SIRT3: variants seen among roughly 807,000 people sequenced by gnomAD.
The protein encoded by SIRT3 is NAD-dependent protein deacetylase sirtuin-3, mitochondrial.
A neutral mutation model predicts 33.5 loss-of-function variants in SIRT3; 26 were observed. The observed-to-expected ratio is 0.78, with a 90% CI of 0.57 to 1.08. The LOEUF is 1.08. Among genes scored for constraint, SIRT3 ranks in the 50% least tolerant of loss-of-function variants. The probability of loss-of-function intolerance (pLI) is 0.00; values close to 1 mark genes in which losing one functional copy is unlikely to be tolerated. For synonymous variants in SIRT3, 237 were observed against 222.1 expected (o/e 1.07, Z -0.60); for missense variants, 585 against 530.1 (o/e 1.10, Z -1.02).
intron 5 of SIRT3, among the ~76,000 whole-genome samples, chr11:220,594 G>C (rs1193392693): frequency 6.6e-6 from 1 of 152,144 alleles, no homozygotes; most frequent in East Asian, 1.9e-4. Context: ...TAACCAATTT[G>C]ATTTGTGTGA....
chr11:233,573 C>T, intron 1 of SIRT3, 39 bp from the exon 2 acceptor site: 2 of 1,601,668 alleles, frequency 1.2e-6, no homozygotes, highest in East Asian at 2.2e-5. Flanking sequence ...AAACAGATAG[C>T]AACCAATCTC....
At chr11:219,867 T>C (rs1856187687) in intron 5 of SIRT3, among the ~76,000 whole-genome samples, 1 of 152,178 alleles carries the variant, frequency 6.6e-6, no homozygotes, top group Admixed American at 6.5e-5. Flanking sequence ...ATTATCTCGG[T>C]ATCTACATAA....
Position 230,448 on chromosome 11 carries a change from T to A in SIRT3, c.807+4A>T. 1 of 1,437,128 alleles carries A rather than the reference T, an allele frequency of 7.0e-7. No individual in the cohort carries two copies. Among genetic ancestry groups the A allele is most frequent in the Non-Finnish European group, 9.2e-7 (1 of 1,086,870 alleles). 89.0% of individuals were successfully genotyped at this position (1,437,128 alleles called of 1,614,324 possible). A position where few individuals can be genotyped will look rare whatever the true frequency, so the allele number is the denominator to read the frequency against. On this transcript the variant is annotated splice_donor_region_variant and intron_variant, in intron 4 of 6. Coordinates refer to ENST00000382743, the MANE Select transcript of SIRT3 (RefSeq NM_012239.6). ...GAAGGACAACCAACAGCAGGATAACTCACCCGAATGTCCTCCCCTGGGAAG... is the reference window on the plus strand; with the variant it reads ...GAAGGACAACCAACAGCAGGATAACACACCCGAATGTCCTCCCCTGGGAAG...
chr11:232,046 A>G (rs1046083828), intron 3 of SIRT3, among the ~76,000 whole-genome samples: 1 of 152,146 alleles, frequency 6.6e-6, no homozygotes, highest in African/African-American at 2.4e-5. Context: ...AAGTGTGACC[A>G]TATTAAGGAA....
rs200574796 is a variant in SIRT3, at chr11:218,912, C to T, written c.1099G>A (p.Val367Ile). The part of the protein sequence containing the change: ...SRDVAQLGDV[V>I]HGVESLVELL... ...TCCACTAGGCTTTCCACGCCGTGAA[C>T]CACGTCCCCCAGCTGGGCCACGTCC... is the stretch of plus-strand genomic sequence containing the variant. Residue 367 changes from valine to isoleucine, a missense_variant, in exon 6 of 7, where the codon GTT becomes ATT. Coordinates refer to ENST00000382743, the MANE Select transcript of SIRT3 (RefSeq NM_012239.6). 5.0e-6 allele frequency: 8 copies of T among 1,614,196 alleles called. No homozygotes were observed. The Admixed American group carries it at 8.3e-5, about 17-fold the overall frequency.
chr11:218,779 C>T (rs922657232), intron 6 of SIRT3, 53 bp downstream of exon 6: 1 of 1,613,368 alleles, frequency 6.2e-7, no homozygotes, highest in African/African-American at 1.3e-5. Flanking sequence ...GGACCATACC[C>T]TAGAGCAGTG....
intron 5 of SIRT3, chr11:222,940 T>G (rs1323824768): frequency 6.6e-6 from 1 of 152,210 alleles, no homozygotes; most frequent in African/African-American, 2.4e-5. Flanking sequence ...TTGTTATCTT[T>G]CTCATAACAT....
At chr11:227,555 G>A (rs543590931) in intron 4 of SIRT3, among the ~76,000 whole-genome samples, 96 of 152,302 alleles carry the variant, frequency 6.3e-4, no homozygotes, top group Non-Finnish European at 1.2e-3. Context: ...ACACAGTACT[G>A]AAGGAGAAGA....
chr11:232,915 C>T (rs1256739485), intron 3 of SIRT3, 68 bp downstream of exon 3: 32 of 1,497,482 alleles, frequency 2.1e-5, no homozygotes, highest in Non-Finnish European at 3.0e-5. Flanking sequence ...CCCGAGCCTC[C>T]CTGGGAGAAA....
intron 4 of SIRT3, among the ~76,000 whole-genome samples, chr11:225,289 G>A (rs1000811385): frequency 1.3e-5 from 2 of 152,252 alleles, no homozygotes; most frequent in South Asian, 4.1e-4. Context: ...ATGCGTGCCT[G>A]TAATCCCAGC....
chr11:232,884 A>T, intron 3 of SIRT3, 99 bp downstream of exon 3: 1 of 1,141,398 alleles, frequency 8.8e-7, no homozygotes. Flanking sequence ...GCACCCGAGC[A>T]TCCCCTGTGA....
At chr11:229,585 A>G (rs1289225079) in intron 4 of SIRT3, among the ~76,000 whole-genome samples, 1 of 151,952 alleles carries the variant, frequency 6.6e-6, no homozygotes, top group Non-Finnish European at 1.5e-5. Context: ...GTGAAACCCC[A>G]TCTCTACTAG....
upstream of SIRT3, chr11:236,371 C>CGGCGCCCCGCCCGG: frequency 2.8e-6 from 3 of 1,088,244 alleles, no homozygotes; most frequent in Non-Finnish European, 3.3e-6. Flanking sequence ...GCCCCGCCCC[C>CGGCGCCCCGCCCGG]GGCGCCCCGG....
rs1483482433 is a variant in SIRT3, at chr11:215,865, C to A, written c.*833G>T. 3 of 152,128 alleles carry A rather than the reference C, an allele frequency of 2.0e-5. No individual in the cohort carries two copies. The highest frequency in any genetic ancestry group is 7.3e-5 in the African/African-American group (3 of 41,352). The allele number at this position is 152,128 out of a possible 1,614,324, so 9.4% of individuals were successfully genotyped here. ...TCCCTGTCTCAGAGATTAGCTCTAA[C>A]AGTGTCACTAGAGGAAGCCCTGGCG... On this transcript the variant is annotated 3_prime_UTR_variant, in exon 7 of 7. Transcript: ENST00000382743.
chr11:233,737 T>G, intron 1 of SIRT3: 1 of 568,546 alleles, frequency 1.8e-6, no homozygotes, highest in East Asian at 2.9e-5. Context: ...AATCAAGACT[T>G]ACTTGGGAGC....
rs745416379 is a variant in SIRT3 at position 216,654 on chromosome 11, A to G, written c.*44T>C. On this transcript the variant is annotated 3_prime_UTR_variant, in exon 7 of 7. Coordinates refer to ENST00000382743, the MANE Select transcript of SIRT3 (RefSeq NM_012239.6). Reference sequence around the variant, plus strand: ...AGGTCTTGTCAGAATTGGGATGTGGATGTCTCCTATGTTACCATTTATTGT... The same window carrying G: ...AGGTCTTGTCAGAATTGGGATGTGGGTGTCTCCTATGTTACCATTTATTGT... 2 of 1,611,352 alleles carry G rather than the reference A, an allele frequency of 1.2e-6. No individual in the cohort carries two copies. The highest frequency in any genetic ancestry group is 1.1e-5 in the South Asian group (1 of 90,894).
intron 6 of SIRT3, among the ~76,000 whole-genome samples, chr11:218,328 G>A (rs369334031): frequency 3.3e-5 from 5 of 152,128 alleles, no homozygotes; most frequent in African/African-American, 4.8e-5. Context: ...GTTTATAGGC[G>A]GTTTGAAATC....
At chr11:217,168 G>C (rs1341869823) in intron 6 of SIRT3, among the ~76,000 whole-genome samples, 1 of 152,230 alleles carries the variant, frequency 6.6e-6, no homozygotes, top group African/African-American at 2.4e-5. Context: ...CAGGAAGTTG[G>C]GCCGGGCCTG....
chr11:220,560 C>T (rs187802248), intron 5 of SIRT3, among the ~76,000 whole-genome samples: 1 of 152,170 alleles, frequency 6.6e-6, no homozygotes, highest in Non-Finnish European at 1.5e-5. Flanking sequence ...CCGCACCCCC[C>T]TCCACACACA....
Sources: gnomAD v4.1 joint callset for allele counts (sites outside exome capture counted in the v4.1 genomes callset) on GRCh38, gnomAD v4.1.1 for gene constraint, MANE v1.5 for transcripts, NCBI Gene and HGNC (gene_info 2026-07-23, HGNC 2026-07-21) for gene names.